PNMA2: variants seen among roughly 807,000 people sequenced by gnomAD.
The protein encoded by PNMA2 is PNMA family member 2.
For synonymous variants in PNMA2, 175 were observed against 183.5 expected (o/e 0.95, Z 0.38); for missense variants, 455 against 452.9 (o/e 1.00, Z -0.04).
chr8:26,510,946 A>T (rs766235081), intron 1 of PNMA2, among the ~76,000 whole-genome samples: 30 of 152,108 alleles, frequency 2.0e-4, no homozygotes, highest in African/African-American at 1.2e-4. Flanking sequence ...GAGGTCAGGA[A>T]TTCGAAACCA....
intron 1 of PNMA2, chr8:26,513,075 T>G (rs915334941): frequency 6.7e-6 from 1 of 148,536 alleles, no homozygotes; most frequent in Admixed American, 6.7e-5. Context: ...AGGGGAAAGC[T>G]GGAGATTTGG....
At position 26,509,610 on chromosome 8, in the gene PNMA2, C is replaced by T. The variant is rs1808114871; in HGVS notation, c.-551G>A. 1 of 152,200 alleles carries T rather than the reference C, an allele frequency of 6.6e-6. No individual in the cohort carries two copies. The allele number at this position is 152,200 out of a possible 1,614,324, so 9.4% of individuals were successfully genotyped here. ...GAGCTTATTTATTCACCTTTTAGCA[C>T]AGGAAGACATCACCCACCTCCACAC... On this transcript the variant is annotated 5_prime_UTR_variant, in exon 2 of 3. It adds an upstream start codon to the 5' untranslated region. Transcript: ENST00000522362. The surrounding 1 kb of genome is among the most constrained non-coding windows in gnomAD (Gnocchi z 5.7).
rs76258254 is a variant in PNMA2, at chr8:26,511,931, G to A, written c.-619+1885C>T. On this transcript the variant is annotated intron_variant, in intron 1 of 2. Transcript: ENST00000522362. ...TGCTGAAGTTAGGCTATCTTCAGAT[G>A]ACTCTTCCTCCCAGTGTGACCTGCA... Among the ~76,000 whole-genome samples, 436 of 152,322 alleles carry A rather than the reference G, an allele frequency of 2.9e-3. 1 individual carries two copies. The highest frequency in any genetic ancestry group is 0.01 in the African/African-American group (420 of 41,576).
At chr8:26,511,815 T>A (rs967106951) in intron 1 of PNMA2, 15 of 152,232 alleles carry the variant, frequency 9.9e-5, no homozygotes, top group African/African-American at 3.4e-4. Flanking sequence ...GGGGCAACCT[T>A]CCTCCCCACT....
intron 1 of PNMA2, among the ~76,000 whole-genome samples, chr8:26,511,359 G>A (rs1172769685): frequency 1.3e-5 from 2 of 152,160 alleles, no homozygotes; most frequent in Non-Finnish European, 2.9e-5. Flanking sequence ...AAGTGCTGAA[G>A]GCACCAGGGG....
rs1051652490 is a variant in PNMA2, at chr8:26,506,317, GTTCC to G, written c.*1340_*1343del. The G allele has an allele frequency of 1.3e-5, 2 of 152,370 alleles. No homozygotes were observed. The highest frequency in any genetic ancestry group is 2.9e-5 in the Non-Finnish European group (2 of 68,088). 9.4% of individuals were successfully genotyped at this position (152,370 alleles called of 1,614,324 possible). ...CACAGTAGGCCCTCAATAAATGTGA[GTTCC>G]TTTTCTCTCCTCTTCATCCTTTGTT... On this transcript the variant is annotated 3_prime_UTR_variant, in exon 3 of 3. Coordinates refer to ENST00000522362, the MANE Select transcript of PNMA2 (RefSeq NM_007257.6). This position sits in a 1 kb window ranked among gnomAD's most constrained non-coding sequence, Gnocchi z 4.4.
chr8:26,509,730 A>C lies in PNMA2; in HGVS notation c.-618-53T>G, dbSNP rs1808116237. The C allele has an allele frequency of 6.6e-6, 1 of 152,228 alleles. No individual in the cohort carries two copies. Among genetic ancestry groups the C allele is most frequent in the African/African-American group, 2.4e-5 (1 of 41,458 alleles). The allele number at this position is 152,228 out of a possible 1,614,324, so 9.4% of individuals were successfully genotyped here. The stretch of plus-strand genomic sequence containing the variant: ...TATTTATGCTTCATTAATATTCAGT[A>C]GGAAGACCGTTAATGCACTTATTCA... On this transcript the variant is annotated intron_variant, in intron 1 of 2. Transcript: ENST00000522362. The surrounding 1 kb of genome is among the most constrained non-coding windows in gnomAD (Gnocchi z 5.7).
rs1383937975 is a variant in PNMA2, at chr8:26,507,875, C to T, written c.881G>A (p.Arg294His). 3.1e-6 allele frequency: 5 copies of T among 1,614,086 alleles called. No homozygotes were observed. The South Asian group carries it at 3.3e-5, about 11-fold the overall frequency. ...AIPRRIADQV[R>H]LEQVMAGATL... Reference sequence around the variant, plus strand: ...GGCCCCAGCCATGACCTGCTCCAGGCGGACCTGGTCCGCAATACGCCGAGG... The same window carrying T: ...GGCCCCAGCCATGACCTGCTCCAGGTGGACCTGGTCCGCAATACGCCGAGG... The change falls in exon 3 of 3, where the codon CGC becomes CAC. Residue 294 changes from arginine (R) to histidine (H), a missense_variant. Physicochemically the swap from Arg to His is conservative, Grantham distance 29. Transcript: ENST00000522362.
At chr8:26,513,395 C>A (rs1455313704) in intron 1 of PNMA2, among the ~76,000 whole-genome samples, 1 of 151,704 alleles carries the variant, frequency 6.6e-6, no homozygotes, top group Non-Finnish European at 1.5e-5. Flanking sequence ...TGTGCCCCCC[C>A]CCCACTCCCC....
At position 26,508,659 on chromosome 8, in the gene PNMA2, C is replaced by A. The variant is rs1285507579; in HGVS notation, c.97G>T (p.Ala33Ser). ...VTGIPADFEE[A>S]EIQEVLQETL... ...TCCTGAAGGACCTCCTGAATCTCAG[C>A]CTCCTCAAAGTCCGCCGGTATCCCC... The change falls in exon 3 of 3, where the codon GCT becomes TCT. Residue 33 changes from alanine to serine, a missense_variant. Ala to Ser is a moderately conservative substitution (Grantham distance 99). Coordinates refer to ENST00000522362, the MANE Select transcript of PNMA2 (RefSeq NM_007257.6). This position sits in a 1 kb window ranked among gnomAD's most constrained non-coding sequence, Gnocchi z 5.5. 1 of 1,614,176 alleles carries A rather than the reference C, an allele frequency of 6.2e-7. No homozygotes were observed. The highest frequency in any genetic ancestry group is 1.1e-5 in the South Asian group (1 of 91,086).
In PNMA2 at chr8:26,508,769, G is replaced by C. The variant is rs1347539562; in HGVS notation, c.-14C>G. 6.3e-7 allele frequency: 1 copy of C among 1,595,714 alleles called. No individual in the cohort carries two copies. Among genetic ancestry groups the C allele is most frequent in the Non-Finnish European group, 8.5e-7 (1 of 1,171,878 alleles). On this transcript the variant is annotated 5_prime_UTR_variant, in exon 3 of 3. Coordinates refer to ENST00000522362, the MANE Select transcript of PNMA2 (RefSeq NM_007257.6). The surrounding 1 kb of genome is among the most constrained non-coding windows in gnomAD (Gnocchi z 5.5). Reference sequence around the variant, plus strand: ...TGCCAGCGCCATTGTCCTAAGAATTGACCCACTCTGACTCTACAGGCACCA... The same window carrying C: ...TGCCAGCGCCATTGTCCTAAGAATTCACCCACTCTGACTCTACAGGCACCA...
At position 26,508,691 on chromosome 8, in the gene PNMA2, A is replaced by G. The variant is rs1475957103; in HGVS notation, c.65T>C (p.Met22Thr). 1 of 1,614,036 alleles carries G rather than the reference A, an allele frequency of 6.2e-7. No individual in the cohort carries two copies. The highest frequency in any genetic ancestry group is 1.3e-5 in the African/African-American group (1 of 74,922). Residue 22 changes from methionine (M) to threonine (T), a missense_variant, in exon 3 of 3, where the codon ATG becomes ACG. Met to Thr is a moderately conservative substitution (Grantham distance 81). Coordinates refer to ENST00000522362, the MANE Select transcript of PNMA2 (RefSeq NM_007257.6). The surrounding 1 kb of genome is among the most constrained non-coding windows in gnomAD (Gnocchi z 5.5). The part of the protein sequence containing the change: ...IMSVDEQKSL[M>T]VTGIPADFEE... ...AAAGTCCGCCGGTATCCCCGTAACC[A>G]TCAGTGACTTCTGCTCATCCACACT... is the stretch of plus-strand genomic sequence containing the variant.
chr8:26,507,146 G>A lies in PNMA2; in HGVS notation c.*515C>T, dbSNP rs868771740. On this transcript the variant is annotated 3_prime_UTR_variant, in exon 3 of 3. Transcript: ENST00000522362. ...TTTTTTTCTTAAAAAGAAAAATCAA[G>A]GGCCAGGCATGGCGGTTCATGCCTG... 2 of 152,232 alleles carry A rather than the reference G, an allele frequency of 1.3e-5. No individual in the cohort carries two copies. The highest frequency in any genetic ancestry group is 4.8e-5 in the African/African-American group (2 of 41,440). The allele number at this position is 152,232 out of a possible 1,614,324, so 9.4% of individuals were successfully genotyped here. A position where few individuals can be genotyped will look rare whatever the true frequency, so the allele number is the denominator to read the frequency against.
intron 1 of PNMA2, among the ~76,000 whole-genome samples, chr8:26,512,342 C>T (rs1035437382): frequency 3.3e-5 from 5 of 152,208 alleles, no homozygotes; most frequent in African/African-American, 1.2e-4. Context: ...ATGCCCCCTC[C>T]GGTTCTCTCA....
rs1443961861 is a variant in PNMA2 at position 26,508,744 on chromosome 8, T to C, written c.12A>G (p.Ala4=). Residue 4 remains alanine (A), a synonymous_variant, in exon 3 of 3, where the codon GCA becomes GCG. Coordinates refer to ENST00000522362, the MANE Select transcript of PNMA2 (RefSeq NM_007257.6). The surrounding 1 kb of genome is among the most constrained non-coding windows in gnomAD (Gnocchi z 5.5). ...TTATCCTGCACCAGTCCTCTAACAGTGCCAGCGCCATTGTCCTAAGAATTG... is the reference window on the plus strand; with the variant it reads ...TTATCCTGCACCAGTCCTCTAACAGCGCCAGCGCCATTGTCCTAAGAATTG... MAL[A]LLEDWCRIMS... is the part of the protein sequence containing the mutation. The C allele has an allele frequency of 6.2e-7, 1 of 1,610,718 alleles. No homozygotes were observed. Among genetic ancestry groups the C allele is most frequent in the Non-Finnish European group, 8.5e-7 (1 of 1,178,404 alleles).
chr8:26,507,841 G>C lies in PNMA2; in HGVS notation c.915C>G (p.Asn305Lys), dbSNP rs1171132602. The C allele has an allele frequency of 6.2e-7, 1 of 1,613,976 alleles. No homozygotes were observed. Among genetic ancestry groups the C allele is most frequent in the South Asian group, 1.1e-5 (1 of 91,044 alleles). The change falls in exon 3 of 3, where the codon AAC (asparagine) becomes AAG (lysine). Residue 305 changes from asparagine to lysine, a missense_variant. By Grantham distance (94) the Asn-to-Lys change is moderately conservative. Coordinates refer to ENST00000522362, the MANE Select transcript of PNMA2 (RefSeq NM_007257.6). ...CCCTAAGCCGGCACCACAGCATCTG[G>C]TTAAGAGTGGCCCCAGCCATGACCT... ...LEQVMAGATL[N>K]QMLWCRLREL... is the part of the protein sequence containing the mutation.
chr8:26,513,252 C>CTT (rs1352398908), intron 1 of PNMA2, among the ~76,000 whole-genome samples: 1 of 151,842 alleles, frequency 6.6e-6, no homozygotes, highest in East Asian at 1.9e-4. Context: ...TGCACCCCGT[C>CTT]TTTAAGTCGT....
chr8:26,508,327 G>A lies in PNMA2; in HGVS notation c.429C>T (p.Ala143=), dbSNP rs1392865926. ...TVPCISPELL[A]HLLGQAMAHA... The stretch of plus-strand genomic sequence containing the variant: ...GTGCCATTGCCTGTCCCAACAAATG[G>A]GCCAGTAATTCTGGTGAGATGCAGG... The change falls in exon 3 of 3, where the codon GCC becomes GCT. Residue 143 remains alanine, a synonymous_variant. Coordinates refer to ENST00000522362, the MANE Select transcript of PNMA2 (RefSeq NM_007257.6). The surrounding 1 kb of genome is among the most constrained non-coding windows in gnomAD (Gnocchi z 5.5). The A allele has an allele frequency of 1.9e-6, 3 of 1,612,126 alleles. No individual in the cohort carries two copies. The East Asian group carries it at 6.7e-5, about 36-fold the overall frequency.
Position 26,505,796 on chromosome 8 carries a change from G to A in PNMA2, c.*1865C>T, listed in dbSNP as rs189766331. On this transcript the variant is annotated 3_prime_UTR_variant, in exon 3 of 3. Transcript: ENST00000522362. Reference sequence around the variant, plus strand: ...ACTTGAGGTCAGGAGTTCGAGACCAGCCTGGCCAACATGGTGAAACCCCAT... The same window carrying A: ...ACTTGAGGTCAGGAGTTCGAGACCAACCTGGCCAACATGGTGAAACCCCAT... The A allele has an allele frequency of 4.6e-5, 7 of 152,254 alleles. No individual in the cohort carries two copies. The highest frequency in any genetic ancestry group is 7.3e-5 in the Non-Finnish European group (5 of 68,032). 9.4% of individuals were successfully genotyped at this position (152,254 alleles called of 1,614,324 possible). A position where few individuals can be genotyped will look rare whatever the true frequency, so the allele number is the denominator to read the frequency against.
Sources: allele counts gnomAD v4.1 joint callset (sites outside exome capture counted in the v4.1 genomes callset), GRCh38; gene constraint gnomAD v4.1.1; non-coding constraint Gnocchi (gnomAD v3.1); transcripts MANE v1.5; gene names NCBI Gene and HGNC (gene_info 2026-07-23, HGNC 2026-07-21).